The following MYO19 variants were observed in gnomAD, a reference collection of about 807,000 sequenced individuals.
MYO19 encodes the protein unconventional myosin-XIX.
MYO19 carries 132 observed loss-of-function variants against 129.2 expected under a neutral mutation model. That is an observed-to-expected ratio of 1.02 (90% CI 0.89 to 1.18). The LOEUF is 1.18. MYO19 is among the 50% of genes most tolerant of loss of function. The pLI is 0.00. For missense variants in MYO19, 1,210 were observed against 1,216.7 expected, an observed-to-expected ratio of 0.99 and a Z score of 0.08; for synonymous variants, 531 against 477.2, an observed-to-expected ratio of 1.11 and a Z score of -1.47.
chr17:36,537,809 G>C, upstream of MYO19: 1 of 1,614,036 alleles, frequency 6.2e-7, no homozygotes, highest in Non-Finnish European at 8.5e-7. Flanking sequence ...GAGTTCACTG[G>C]AACTTTTTCT....
intron 3 of MYO19, among the ~76,000 whole-genome samples, chr17:36,530,194 C>T (rs564368535): frequency 9.7e-4 from 147 of 152,252 alleles, no homozygotes; most frequent in African/African-American, 3.4e-3. Flanking sequence ...TGCCTGTAAC[C>T]CCAGCTATTC....
At chr17:36,500,617 C>A (rs2142783733) in intron 23 of MYO19, 1 of 620,714 alleles carries the variant, frequency 1.6e-6, no homozygotes, top group Non-Finnish European at 2.7e-6. Flanking sequence ...TCTTACAGAG[C>A]ACCTTTGTTT....
At chr17:36,515,526 C>T (rs545439279) in intron 7 of MYO19, among the ~76,000 whole-genome samples, 2 of 152,232 alleles carry the variant, frequency 1.3e-5, no homozygotes, top group East Asian at 1.9e-4. Context: ...AAACACTAAT[C>T]ACCTTGTATC....
Position 36,510,868 on chromosome 17 carries a change from C to T in MYO19, c.1035G>A (p.Leu345=). ...TGGTTCTAATCTGCACCATCTCCAG[C>T]AGCACGTCCTCTGGGAGCCCCAGCA... The part of the protein sequence containing the change: ...ASLLGLPEDV[L]LEMVQIRTIR... The change falls in exon 13 of 26, where the codon CTG becomes CTA. Residue 345 remains leucine, a synonymous_variant. Coordinates refer to ENST00000614623, the MANE Select transcript of MYO19 (RefSeq NM_001163735.2). The T allele has an allele frequency of 6.3e-7, 1 of 1,582,656 alleles. No homozygotes were observed. Among genetic ancestry groups the T allele is most frequent in the Non-Finnish European group, 8.6e-7 (1 of 1,164,178 alleles).
upstream of MYO19, among the ~76,000 whole-genome samples, chr17:36,536,657 G>A (rs1386462423): frequency 6.6e-6 from 1 of 151,296 alleles, no homozygotes; most frequent in Non-Finnish European, 1.5e-5. Flanking sequence ...TGGGATTACA[G>A]GCGGGTGCCA....
intron 2 of MYO19, chr17:36,533,326 CA>C (rs2073940757): frequency 6.6e-6 from 1 of 152,290 alleles, no homozygotes; most frequent in South Asian, 2.1e-4. Flanking sequence ...GAGCGCTAAT[CA>C]GGTGAACGGT....
intron 3 of MYO19, among the ~76,000 whole-genome samples, chr17:36,531,237 T>C (rs2142468567): frequency 6.6e-6 from 1 of 151,174 alleles, no homozygotes; most frequent in South Asian, 2.1e-4. Flanking sequence ...TACTAAAAAA[T>C]ACAAAAAATT....
chr17:36,531,076 AAAAT>A (rs1299246755), intron 3 of MYO19, among the ~76,000 whole-genome samples: 10 of 152,184 alleles, frequency 6.6e-5, no homozygotes, highest in Admixed American at 4.6e-4. Flanking sequence ...CTCTAAAATA[AAAAT>A]AAATAAACAA....
At chr17:36,531,656 C>T (rs761228162) in intron 3 of MYO19, among the ~76,000 whole-genome samples, 6 of 151,968 alleles carry the variant, frequency 3.9e-5, no homozygotes, top group Non-Finnish European at 8.8e-5. Flanking sequence ...AACTGTTTTG[C>T]CCACTTCTTA....
upstream of MYO19, among the ~76,000 whole-genome samples, chr17:36,544,539 C>G (rs1483101520): frequency 6.6e-6 from 1 of 152,222 alleles, no homozygotes; most frequent in Non-Finnish European, 1.5e-5. Context: ...GAGTCAGCCC[C>G]GAATCAGACG....
rs556899192 is a variant in MYO19 at position 36,519,653 on chromosome 17, A to G, written c.415-3663T>C. On this transcript the variant is annotated intron_variant, in intron 6 of 25. Coordinates refer to ENST00000614623, the MANE Select transcript of MYO19 (RefSeq NM_001163735.2). ...TTCTAAAGAGACAAAAAAAAAAAAAAGATTTTACATCTGTGATGCTGAAAC... is the reference window on the plus strand; with the variant it reads ...TTCTAAAGAGACAAAAAAAAAAAAAGGATTTTACATCTGTGATGCTGAAAC... Among the ~76,000 whole-genome samples the G allele has an allele frequency of 4.0e-5, 6 of 151,840 alleles. No homozygotes were observed. In the South Asian group the frequency reaches 1.3e-3, roughly 32 times the overall value.
intron 6 of MYO19, among the ~76,000 whole-genome samples, chr17:36,518,554 G>GTA (rs1212249190): frequency 0.016 from 1,088 of 66,558 alleles, 42 homozygotes; most frequent in African/African-American, 0.055. Context: ...ATATATATAT[G>GTA]TGTATGTGTA....
intron 7 of MYO19, 39 bp from the exon 8 acceptor site, chr17:36,515,221 T>C: frequency 6.3e-7 from 1 of 1,587,346 alleles, no homozygotes; most frequent in East Asian, 2.3e-5. Flanking sequence ...TCCCCTGGGT[T>C]TGCAGAGTCC....
rs1259332206 is a variant in MYO19 at position 36,510,860 on chromosome 17, A to G, written c.1043T>C (p.Met348Thr). Residue 348 changes from methionine to threonine, a missense_variant, in exon 13 of 26, where the codon ATG becomes ACG. Met to Thr is a moderately conservative substitution (Grantham distance 81). Transcript: ENST00000614623. ...LGLPEDVLLE[M>T]VQIRTIRAGR... ...TGCCCTGATGGTTCTAATCTGCACC[A>G]TCTCCAGCAGCACGTCCTCTGGGAG... The G allele has an allele frequency of 1.9e-6, 3 of 1,582,280 alleles. No individual in the cohort carries two copies. Among genetic ancestry groups the G allele is most frequent in the East Asian group, 4.6e-5 (2 of 43,110 alleles).
At chr17:36,511,292 C>T (rs548621691) in intron 12 of MYO19, 73 bp downstream of exon 12, 1 of 1,485,188 alleles carries the variant, frequency 6.7e-7, no homozygotes, top group Non-Finnish European at 9.2e-7. Context: ...CACCATCCAG[C>T]CTTCCACCCA....
intron 3 of MYO19, among the ~76,000 whole-genome samples, chr17:36,531,519 C>T (rs2073835965): frequency 6.6e-6 from 1 of 151,468 alleles, no homozygotes; most frequent in South Asian, 2.1e-4. Context: ...CCCCTACATA[C>T]TTTAAAAACA....
At chr17:36,513,601 G>C in intron 10 of MYO19, 28 bp downstream of exon 10, 1 of 1,613,824 alleles carries the variant, frequency 6.2e-7, no homozygotes, top group Non-Finnish European at 8.5e-7. Flanking sequence ...CTGGGTCAGC[G>C]CAAGGTGCTG....
intron 6 of MYO19, among the ~76,000 whole-genome samples, chr17:36,516,426 A>G (rs1181495145): frequency 6.6e-6 from 1 of 152,100 alleles, no homozygotes; most frequent in Non-Finnish European, 1.5e-5. Context: ...GCTGGAGTGC[A>G]ATGGCACAAT....
chr17:36,538,213 T>C (rs1176804592), upstream of MYO19: 2 of 1,613,124 alleles, frequency 1.2e-6, no homozygotes, highest in African/African-American at 2.7e-5. Flanking sequence ...ATGGCAAATT[T>C]AGCCTTTTGT....
Sources: allele counts gnomAD v4.1 joint callset (sites outside exome capture counted in the v4.1 genomes callset), GRCh38; gene constraint gnomAD v4.1.1; transcripts MANE v1.5; gene names NCBI Gene and HGNC (gene_info 2026-07-23, HGNC 2026-07-21).